PGAP4: variants seen among roughly 807,000 people sequenced by gnomAD.
PGAP4 encodes post-GPI attachment to proteins GalNAc transferase 4.
In PGAP4, 12 loss-of-function variants were observed where a neutral mutation model predicts 28.2. That is an observed-to-expected ratio of 0.42 (90% CI 0.27 to 0.69). The LOEUF (loss-of-function observed/expected upper bound fraction) is 0.69, where lower values mean the gene tolerates loss of function less well. Among genes scored for constraint, PGAP4 ranks in the 30% least tolerant of loss-of-function variants. The pLI is 0.22. For missense variants in PGAP4, 425 were observed against 513.5 expected (o/e 0.83, Z 1.67); for synonymous variants, 205 against 211.8 (o/e 0.97, Z 0.28).
At chr9:101,485,206 A>G (rs1826585516) in intron 1 of PGAP4, among the ~76,000 whole-genome samples, 2 of 139,836 alleles carry the variant, frequency 1.4e-5, no homozygotes, top group Non-Finnish European at 3.2e-5. Context: ...GCTTTATAAC[A>G]GGTTTTAATA....
chr9:101,516,922 C>T (rs557984292), intron 2 of PGAP4, among the ~76,000 whole-genome samples: 2 of 152,102 alleles, frequency 1.3e-5, no homozygotes, highest in African/African-American at 2.4e-5. Context: ...AGTGACTGAT[C>T]GCCAACAGAC....
intron 2 of PGAP4, among the ~76,000 whole-genome samples, chr9:101,528,303 T>C (rs1827053846): frequency 6.6e-6 from 1 of 152,014 alleles, no homozygotes; most frequent in East Asian, 1.9e-4. Context: ...TGGGGAGGGG[T>C]CTCTAATATG....
At chr9:101,497,392 A>G (rs2118588166) in intron 2 of PGAP4, among the ~76,000 whole-genome samples, 1 of 151,810 alleles carries the variant, frequency 6.6e-6, no homozygotes, top group Non-Finnish European at 1.5e-5. Context: ...TTAAAGTTAA[A>G]TACATGAGTA....
intron 1 of PGAP4, among the ~76,000 whole-genome samples, chr9:101,484,148 A>G (rs1440809275): frequency 1.3e-5 from 2 of 152,148 alleles, no homozygotes; most frequent in Non-Finnish European, 2.9e-5. Context: ...AAAGATGGAT[A>G]AGAAATGTTG....
In PGAP4 at chr9:101,476,513, A is replaced by G; in HGVS notation, c.580T>C (p.Cys194Arg). The change falls in exon 2 of 2, where the codon TGC becomes CGC. Residue 194 changes from cysteine to arginine, a missense_variant. Coordinates refer to ENST00000374848, the MANE Select transcript of PGAP4 (RefSeq NM_032342.3). This position sits in a 1 kb window ranked among gnomAD's most constrained non-coding sequence, Gnocchi z 7.0. Reference protein sequence around the residue: ...FEKEKQDYVYCLESSLQTYNP... With the variant: ...FEKEKQDYVYRLESSLQTYNP... ...TAGGTCTGCAGGGATGACTCCAGGC[A>G]ATAGACATAGTCCTGCTTCTCTTTC... The G allele has an allele frequency of 2.5e-6, 4 of 1,614,198 alleles. No homozygotes were observed. Among genetic ancestry groups the G allele is most frequent in the Non-Finnish European group, 3.4e-6 (4 of 1,180,038 alleles).
intron 2 of PGAP4, among the ~76,000 whole-genome samples, chr9:101,520,417 G>A (rs572283805): frequency 6.6e-6 from 1 of 152,046 alleles, no homozygotes; most frequent in Non-Finnish European, 1.5e-5. Flanking sequence ...CCTTGTAGAG[G>A]TCTTTGGATC....
At chr9:101,522,598 A>C (rs750995389) in intron 2 of PGAP4, among the ~76,000 whole-genome samples, 1 of 152,102 alleles carries the variant, frequency 6.6e-6, no homozygotes, top group African/African-American at 2.4e-5. Flanking sequence ...CTTTAAGTTT[A>C]TGTGAGTCGT....
chr9:101,478,830 G>A (rs1826400936), intron 1 of PGAP4, among the ~76,000 whole-genome samples: 1 of 152,158 alleles, frequency 6.6e-6, no homozygotes, highest in African/African-American at 2.4e-5. Context: ...TCCCAAACTA[G>A]AGTGGACTGT....
chr9:101,500,471 G>T (rs1206792825), intron 2 of PGAP4, among the ~76,000 whole-genome samples: 1 of 151,544 alleles, frequency 6.6e-6, no homozygotes, highest in African/African-American at 2.4e-5. Context: ...GGCCTAGCCG[G>T]ATAATCCAGA....
rs752699157 is a variant in PGAP4 at position 101,476,970 on chromosome 9, CA to C, written c.122del (p.Leu41ArgfsTer18). The C allele has an allele frequency of 3.8e-6, 6 of 1,596,280 alleles. No homozygotes were observed. Among genetic ancestry groups the C allele is most frequent in the Admixed American group, 3.4e-5 (2 of 58,504 alleles). On this transcript the variant is annotated frameshift_variant, in exon 2 of 2. Coordinates refer to ENST00000374848, the MANE Select transcript of PGAP4 (RefSeq NM_032342.3). LOFTEE classifies it high-confidence loss of function. The surrounding 1 kb of genome is among the most constrained non-coding windows in gnomAD (Gnocchi z 7.0). Reference protein sequence around the residue: ...TVVTFGLLAPLACHRLLHSYF... With the variant: ...TVVTFGLLAPXACHRLLHSYF... ...AAGAGTGTAGAAGTCGGTGACAGGC[CA>C]GGGGGGCCAGCAGGCCAAACGTCAC...
chr9:101,508,772 G>A (rs956070298), intron 2 of PGAP4, among the ~76,000 whole-genome samples: 14 of 152,050 alleles, frequency 9.2e-5, no homozygotes, highest in Non-Finnish European at 1.5e-5. Context: ...TCACCATAAT[G>A]CAGAATCTAC....
At chr9:101,502,290 A>G (rs1394950991) in intron 2 of PGAP4, among the ~76,000 whole-genome samples, 3 of 152,104 alleles carry the variant, frequency 2.0e-5, no homozygotes, top group African/African-American at 4.8e-5. Flanking sequence ...GAACTTGTTA[A>G]GAAAATACCT....
rs532426975 is a variant in PGAP4, at chr9:101,524,631, G to A, written c.-165+6717C>T. On this transcript the variant is annotated intron_variant, in intron 2 of 3. Coordinates refer to the PGAP4 transcript ENST00000374851. Reference sequence around the variant, plus strand: ...CAGGAATGGGCTGCTGGGGGACCCCGTGAGCTCCCAGGGCCTTACTGCTGC... The same window carrying A: ...CAGGAATGGGCTGCTGGGGGACCCCATGAGCTCCCAGGGCCTTACTGCTGC... Among the ~76,000 whole-genome samples the A allele has an allele frequency of 5.3e-5, 8 of 152,342 alleles. No individual in the cohort carries two copies. The East Asian group carries it at 9.7e-4, about 18-fold the overall frequency.
intron 2 of PGAP4, among the ~76,000 whole-genome samples, chr9:101,496,576 TTATAA>T (rs1200416453): frequency 1.3e-5 from 2 of 151,426 alleles, no homozygotes; most frequent in African/African-American, 4.8e-5. Context: ...TTCTAAAAAG[TTATAA>T]TATCACTTGA....
upstream of PGAP4, among the ~76,000 whole-genome samples, chr9:101,490,437 G>A (rs959224088): frequency 2.0e-5 from 3 of 152,070 alleles, no homozygotes; most frequent in Non-Finnish European, 4.4e-5. Context: ...TGATCTGCCC[G>A]CCTCAGCCTC....
Position 101,528,911 on chromosome 9 carries a change from G to A in PGAP4, c.-165+2437C>T, listed in dbSNP as rs566982965. 5.7e-4 allele frequency among the ~76,000 whole-genome samples: 86 copies of A among 151,382 alleles called. 1 individual carries two copies. In the South Asian group the frequency reaches 0.013, roughly 23 times the overall value. On this transcript the variant is annotated intron_variant, in intron 2 of 3. Transcript: ENST00000374851. ...CATCCAGATATTAAGCCTAGTTCTC[G>A]TTAGTTGTTTTTCCTGATCCTCTCC...
chr9:101,525,092 T>G (rs891412536), intron 2 of PGAP4, among the ~76,000 whole-genome samples: 1 of 152,224 alleles, frequency 6.6e-6, no homozygotes, highest in Admixed American at 6.5e-5. Context: ...GCATGTCTTT[T>G]TGGTAGAACA....
chr9:101,527,426 T>A (rs898599640), intron 2 of PGAP4, among the ~76,000 whole-genome samples: 3 of 152,076 alleles, frequency 2.0e-5, no homozygotes, highest in African/African-American at 7.2e-5. Flanking sequence ...GTTGTTGGAG[T>A]CAATACATGT....
intron 2 of PGAP4, among the ~76,000 whole-genome samples, chr9:101,517,021 A>G (rs1444713240): frequency 2.6e-5 from 4 of 152,192 alleles, no homozygotes; most frequent in African/African-American, 4.8e-5. Flanking sequence ...TTTTTATTTT[A>G]TGTAATTAAT....
Sources: gnomAD v4.1 joint callset for allele counts (sites outside exome capture counted in the v4.1 genomes callset) on GRCh38, gnomAD v4.1.1 for gene constraint, Gnocchi (gnomAD v3.1) non-coding constraint, MANE v1.5 for transcripts, NCBI Gene and HGNC (gene_info 2026-07-23, HGNC 2026-07-21) for gene names.